MRPS10: variants seen among roughly 807,000 people sequenced by gnomAD.
MRPS10 encodes small ribosomal subunit protein uS10m.
A neutral mutation model predicts 27.5 loss-of-function variants in MRPS10; 23 were observed. The observed-to-expected ratio is 0.84, with a 90% CI of 0.60 to 1.18. MRPS10 has a LOEUF of 1.18. MRPS10 is among the 50% of genes most tolerant of loss of function. MRPS10 has a pLI of 0.00. For missense variants in MRPS10, 237 were observed against 240.1 expected (o/e 0.99, Z 0.09); for synonymous variants, 88 against 84.2 (o/e 1.04, Z -0.25).
chr6:42,216,273 C>T (rs1277699664), intron 1 of MRPS10, among the ~76,000 whole-genome samples: 1 of 151,052 alleles, frequency 6.6e-6, no homozygotes, highest in Non-Finnish European at 1.5e-5. Context: ...CCGCCCACCT[C>T]GGCCTCCCAA....
At chr6:42,217,750 T>TGC in intron 1 of MRPS10, 52 bp downstream of exon 1, 1 of 1,594,126 alleles carries the variant, frequency 6.3e-7, no homozygotes, top group East Asian at 2.2e-5. Context: ...CAGGGAAACT[T>TGC]AAAAGCAACT....
chr6:42,214,143 G>C lies in MRPS10; in HGVS notation c.163C>G (p.Pro55Ala), dbSNP rs1420127626. 17 of 1,612,592 alleles carry C rather than the reference G, an allele frequency of 1.1e-5. No homozygotes were observed. Among genetic ancestry groups the C allele is most frequent in the Non-Finnish European group, 1.4e-5 (16 of 1,179,448 alleles). ...ACCACAGGTTTGGTCAAATCCTTTGGAACATCAACGTGTAGGTTTGAAAAC... is the reference window on the plus strand; with the variant it reads ...ACCACAGGTTTGGTCAAATCCTTTGCAACATCAACGTGTAGGTTTGAAAAC... Reference protein sequence around the residue: ...VQFSNLHVDVPKDLTKPVVTI... With the variant: ...VQFSNLHVDVAKDLTKPVVTI... Residue 55 changes from proline to alanine, a missense_variant, in exon 3 of 7, where the codon CCA (proline) becomes GCA (alanine). Physicochemically the swap from Pro to Ala is conservative, Grantham distance 27. Coordinates refer to ENST00000053468, the MANE Select transcript of MRPS10 (RefSeq NM_018141.4).
intron 4 of MRPS10, 61 bp downstream of exon 4, chr6:42,211,720 A>ATT: frequency 6.7e-7 from 1 of 1,502,294 alleles, no homozygotes; most frequent in South Asian, 1.2e-5. Context: ...GATGAGCACT[A>ATT]TTTTCCTGGT....
intron 1 of MRPS10, among the ~76,000 whole-genome samples, chr6:42,216,026 C>CTTTTTTTTTTT (rs34985131): frequency 1.8e-4 from 10 of 56,970 alleles, no homozygotes; most frequent in Admixed American, 2.3e-4. Flanking sequence ...TTTTTCTTTT[C>CTTTTTTTTTTT]TTTTTTTTTT....
intron 3 of MRPS10, 79 bp downstream of exon 3, chr6:42,214,041 G>T: frequency 7.9e-7 from 1 of 1,265,946 alleles, no homozygotes; most frequent in African/African-American, 1.5e-5. Flanking sequence ...GAGTGTTTGG[G>T]GAAAAAAAAC....
chr6:42,211,977 T>G lies in MRPS10; in HGVS notation c.187-60A>C, dbSNP rs570102697. ...CTCTTCTATTTCTAACTAGCAAATT[T>G]AAAACATTAGCCTCAATTGAACAAC... On this transcript the variant is annotated intron_variant, in intron 3 of 6. Transcript: ENST00000053468. 23 of 1,501,194 alleles carry G rather than the reference T, an allele frequency of 1.5e-5. No homozygotes were observed. In the South Asian group the frequency reaches 2.6e-4, roughly 17 times the overall value. The allele number at this position is 1,501,194 out of a possible 1,614,324, so 93.0% of individuals were successfully genotyped here.
rs575469841 is a variant in MRPS10 at position 42,208,014 on chromosome 6, G to A, written c.*275C>T. The A allele has an allele frequency of 4.8e-5, 20 of 412,696 alleles. No individual in the cohort carries two copies. The highest frequency in any genetic ancestry group is 3.7e-4 in the East Asian group (7 of 18,682). The allele number at this position is 412,696 out of a possible 1,614,324, so 25.6% of individuals were successfully genotyped here. On this transcript the variant is annotated 3_prime_UTR_variant, in exon 7 of 7. Coordinates refer to ENST00000053468, the MANE Select transcript of MRPS10 (RefSeq NM_018141.4). ...AAACTAATAATTGAACACCAGTAGC[G>A]TAACAAAATAGAATTTTCACTCTTT...
chr6:42,212,599 T>C (rs777467572), intron 3 of MRPS10, among the ~76,000 whole-genome samples: 40 of 152,190 alleles, frequency 2.6e-4, no homozygotes, highest in Middle Eastern at 3.2e-3. Flanking sequence ...CTAAAGACCT[T>C]AGAAATAATG....
chr6:42,208,068 G>A lies in MRPS10; in HGVS notation c.*221C>T, dbSNP rs1768657960. ...CTTTCAGTCAAAGTGGTTTGCTCAT[G>A]TTTGCTGAAATCAGAACTGAAACAA... On this transcript the variant is annotated 3_prime_UTR_variant, in exon 7 of 7. Transcript: ENST00000053468. 1.9e-6 allele frequency: 1 copy of A among 537,298 alleles called. No individual in the cohort carries two copies. The highest frequency in any genetic ancestry group is 3.2e-6 in the Non-Finnish European group (1 of 307,880). The allele number at this position is 537,298 out of a possible 1,614,324, so 33.3% of individuals were successfully genotyped here.
chr6:42,206,911 G>C lies in MRPS10; in HGVS notation c.*1378C>G, dbSNP rs1180211625. ...ACACTGATACCTGATAGCATGTCAG[G>C]AAAAAAGAATAGGCAATGCAGTTTA... On this transcript the variant is annotated 3_prime_UTR_variant, in exon 7 of 7. Transcript: ENST00000053468. 1 of 152,054 alleles carries C rather than the reference G, an allele frequency of 6.6e-6. No homozygotes were observed. The highest frequency in any genetic ancestry group is 2.4e-5 in the African/African-American group (1 of 41,414). The allele number at this position is 152,054 out of a possible 1,614,324, so 9.4% of individuals were successfully genotyped here.
Position 42,207,060 on chromosome 6 carries a change from T to C in MRPS10, c.*1229A>G, listed in dbSNP as rs1438320890. The C allele has an allele frequency of 6.6e-6, 1 of 152,158 alleles. No individual in the cohort carries two copies. The highest frequency in any genetic ancestry group is 1.5e-5 in the Non-Finnish European group (1 of 68,026). The allele number at this position is 152,158 out of a possible 1,614,324, so 9.4% of individuals were successfully genotyped here. On this transcript the variant is annotated 3_prime_UTR_variant, in exon 7 of 7. Transcript: ENST00000053468. ...TCTCTGGGGTTGCTATACCAACTGT[T>C]TCAGCCCATTGTAGTCTTGCCTCTT... is the stretch of plus-strand genomic sequence containing the variant.
intron 1 of MRPS10, among the ~76,000 whole-genome samples, chr6:42,216,142 G>C (rs1353313410): frequency 6.7e-6 from 1 of 148,886 alleles, no homozygotes; most frequent in Non-Finnish European, 1.5e-5. Flanking sequence ...TCCTGCCTTA[G>C]CCTCCTGAGT....
chr6:42,208,999 G>GTTTTTTTTTTTT (rs375700314), intron 5 of MRPS10, 52 bp from the exon 6 acceptor site: 1 of 1,026,116 alleles, frequency 9.7e-7, no homozygotes. Context: ...TTAAAGCACG[G>GTTTTTTTTTTTT]TTTTTTGTTT....
At position 42,207,364 on chromosome 6, in the gene MRPS10, G is replaced by A. The variant is rs2113856634; in HGVS notation, c.*925C>T. 6.6e-6 allele frequency: 1 copy of A among 152,294 alleles called. No homozygotes were observed. Among genetic ancestry groups the A allele is most frequent in the East Asian group, 1.9e-4 (1 of 5,184 alleles). 9.4% of individuals were successfully genotyped at this position (152,294 alleles called of 1,614,324 possible). A position where few individuals can be genotyped will look rare whatever the true frequency, so the allele number is the denominator to read the frequency against. On this transcript the variant is annotated 3_prime_UTR_variant, in exon 7 of 7. Transcript: ENST00000053468. ...AGCCTCCTGAGTAGCTGGGATTACA[G>A]GCACGTGCCACCATGTCCAGCTAAT...
chr6:42,215,797 A>G (rs143253762), intron 1 of MRPS10, among the ~76,000 whole-genome samples: 18 of 152,234 alleles, frequency 1.2e-4, no homozygotes, highest in Non-Finnish European at 2.2e-4. Flanking sequence ...TCATAACTCT[A>G]TAATCTTCTT....
rs1278906187 is a variant in MRPS10, at chr6:42,206,827, A to T, written c.*1462T>A. On this transcript the variant is annotated 3_prime_UTR_variant, in exon 7 of 7. Coordinates refer to ENST00000053468, the MANE Select transcript of MRPS10 (RefSeq NM_018141.4). The stretch of plus-strand genomic sequence containing the variant: ...GAAGGTCATGGGGCACAAAGCTGCA[A>T]TTCTTTTAATGGTGATGACAGTAAC... 1.3e-5 allele frequency: 2 copies of T among 152,316 alleles called. No individual in the cohort carries two copies. Among genetic ancestry groups the T allele is most frequent in the South Asian group, 2.1e-4 (1 of 4,828 alleles). The allele number at this position is 152,316 out of a possible 1,614,324, so 9.4% of individuals were successfully genotyped here.
At position 42,211,874 on chromosome 6, in the gene MRPS10, G is replaced by A. The variant is rs201292678; in HGVS notation, c.230C>T (p.Ser77Leu). Residue 77 changes from serine (S) to leucine (L), a missense_variant, in exon 4 of 7, where the codon TCG becomes TTG. Physicochemically the swap from Ser to Leu is moderately radical, Grantham distance 145 (BLOSUM62 -2). Transcript: ENST00000053468. The part of the protein sequence containing the change: ...DEPDILYKRL[S>L]VLVKGHDKAV... ...CTTATCGTGACCTTTCACCAAAACCGAGAGGCGCTTATATAATATGTCTGG... is the reference window on the plus strand; with the variant it reads ...CTTATCGTGACCTTTCACCAAAACCAAGAGGCGCTTATATAATATGTCTGG... 49 of 1,613,762 alleles carry A rather than the reference G, an allele frequency of 3.0e-5. No homozygotes were observed. The highest frequency in any genetic ancestry group is 3.7e-5 in the Non-Finnish European group (44 of 1,179,902).
Position 42,211,493 on chromosome 6 carries a change from C to A in MRPS10, c.323+288G>T, listed in dbSNP as rs376766320. Among the ~76,000 whole-genome samples, 4 of 152,194 alleles carry A rather than the reference C, an allele frequency of 2.6e-5. No homozygotes were observed. The East Asian group carries it at 7.7e-4, about 29-fold the overall frequency. ...CTCAGGAGTTCGAGACCAGCCTGGG[C>A]AACACAGTGAAACCCCATCTCTACT... On this transcript the variant is annotated intron_variant, in intron 4 of 6. Coordinates refer to ENST00000053468, the MANE Select transcript of MRPS10 (RefSeq NM_018141.4).
At position 42,208,933 on chromosome 6, in the gene MRPS10, A is replaced by C. The variant is rs1562071137; in HGVS notation, c.447T>G (p.Thr149=). The part of the protein sequence containing the change: ...LYRCLELEHL[T]GSTADVYLEY... ...CCAAGTAGACATCTGCTGTGCTTCC[A>C]GTTAGATGTTCTAACTAAAACATCA... The change falls in exon 6 of 7, where the codon ACT becomes ACG. Residue 149 remains threonine, a synonymous_variant. Coordinates refer to ENST00000053468, the MANE Select transcript of MRPS10 (RefSeq NM_018141.4). 1 of 1,608,156 alleles carries C rather than the reference A, an allele frequency of 6.2e-7. No individual in the cohort carries two copies. Among genetic ancestry groups the C allele is most frequent in the Admixed American group, 1.7e-5 (1 of 59,714 alleles).
Sources: allele counts gnomAD v4.1 joint callset (sites outside exome capture counted in the v4.1 genomes callset), GRCh38; gene constraint gnomAD v4.1.1; transcripts MANE v1.5; gene names NCBI Gene and HGNC (gene_info 2026-07-23, HGNC 2026-07-21).